Variants in CAP2 observed in about 807,000 individuals in gnomAD.
CAP2 encodes the protein cyclase associated actin cytoskeleton regulatory protein 2.
CAP2 carries 24 observed loss-of-function variants against 57.7 expected under a neutral mutation model. The observed-to-expected ratio is 0.42, with a 90% CI of 0.30 to 0.58. The LOEUF is 0.58. Among genes scored for constraint, CAP2 ranks in the 20% least tolerant of loss-of-function variants. The probability of loss-of-function intolerance (pLI) is 0.22; values close to 1 mark genes in which losing one functional copy is unlikely to be tolerated. For missense variants in CAP2, 501 were observed against 590.3 expected (o/e 0.85, Z 1.57); for synonymous variants, 194 against 207.2 (o/e 0.94, Z 0.55).
At chr6:17,419,173 C>T (rs1228700450) in intron 1 of CAP2, among the ~76,000 whole-genome samples, 1 of 152,140 alleles carries the variant, frequency 6.6e-6, no homozygotes, top group East Asian at 1.9e-4. Flanking sequence ...GGCAGTGGCA[C>T]GTCATCACTG....
intron 7 of CAP2, chr6:17,536,363 T>G (rs1433252500): frequency 1.1e-5 from 5 of 451,054 alleles, no homozygotes; most frequent in Non-Finnish European, 2.2e-5. Context: ...GAATGCTAAT[T>G]GAAAAGTAAC....
intron 7 of CAP2, among the ~76,000 whole-genome samples, chr6:17,527,375 A>C (rs1025146736): frequency 6.6e-6 from 1 of 152,156 alleles, no homozygotes; most frequent in South Asian, 2.1e-4. Context: ...AAGTTTTCCC[A>C]TGGAAAATTT....
chr6:17,526,228 C>T (rs150329494), intron 7 of CAP2, among the ~76,000 whole-genome samples: 6 of 152,004 alleles, frequency 3.9e-5, no homozygotes, highest in Non-Finnish European at 8.8e-5. Context: ...AGCTATTCTC[C>T]TGCCTCAGCC....
rs530493276 is a variant in CAP2 at position 17,514,834 on chromosome 6, G to T, written c.636+880G>T. ...TGAAACACTCTACAGCCATTAAAAT[G>T]CTTTACCAGTTAATGTTAAGTGATA... On this transcript the variant is annotated intron_variant, in intron 7 of 12. Coordinates refer to ENST00000229922, the MANE Select transcript of CAP2 (RefSeq NM_006366.3). 1.3e-4 allele frequency among the ~76,000 whole-genome samples: 20 copies of T among 152,266 alleles called. 3 individuals are homozygous for T. The South Asian group carries it at 4.1e-3, about 32-fold the overall frequency.
At chr6:17,406,068 T>G (rs1256380403) in intron 1 of CAP2, among the ~76,000 whole-genome samples, 1 of 151,986 alleles carries the variant, frequency 6.6e-6, no homozygotes, top group African/African-American at 2.4e-5. Flanking sequence ...CTACTTCAGT[T>G]TGCAAAGCCT....
In CAP2 at chr6:17,477,059, C is replaced by T. The variant is rs370408488; in HGVS notation, c.300+13986C>T. Among the ~76,000 whole-genome samples, 33 of 151,984 alleles carry T rather than the reference C, an allele frequency of 2.2e-4. 1 individual carries two copies. Among genetic ancestry groups the T allele is most frequent in the African/African-American group, 7.2e-4 (30 of 41,472 alleles). ...TAATTTTTTGTATTTTTAGTAGAGA[C>T]GGGGTTTCACCATGTTGGCCAGAAT... is the stretch of plus-strand genomic sequence containing the variant. On this transcript the variant is annotated intron_variant, in intron 4 of 12. Coordinates refer to ENST00000229922, the MANE Select transcript of CAP2 (RefSeq NM_006366.3).
At chr6:17,431,170 G>A (rs1759720450) in intron 3 of CAP2, among the ~76,000 whole-genome samples, 1 of 152,106 alleles carries the variant, frequency 6.6e-6, no homozygotes, top group African/African-American at 2.4e-5. Flanking sequence ...GGCAGAAGAA[G>A]GGTGAGGATC....
Position 17,484,952 on chromosome 6 carries a change from A to T in CAP2, c.300+21879A>T, listed in dbSNP as rs138351456. On this transcript the variant is annotated intron_variant, in intron 4 of 12. Transcript: ENST00000229922. Reference sequence around the variant, plus strand: ...ACTGTCTTTGAAAATCATTCTTTATAGGTAGAATATGAAGATTCTCTGAAA... The same window carrying T: ...ACTGTCTTTGAAAATCATTCTTTATTGGTAGAATATGAAGATTCTCTGAAA... Among the ~76,000 whole-genome samples, 478 of 152,324 alleles carry T rather than the reference A, an allele frequency of 3.1e-3. 6 individuals carry two copies. Among genetic ancestry groups the T allele is most frequent in the African/African-American group, 0.011 (447 of 41,564 alleles).
intron 1 of CAP2, among the ~76,000 whole-genome samples, chr6:17,403,016 T>C (rs1466608086): frequency 6.6e-6 from 1 of 152,248 alleles, no homozygotes; most frequent in Non-Finnish European, 1.5e-5. Flanking sequence ...CTCCTCATTA[T>C]GTTTCCCAGC....
rs1763326596 is a variant in CAP2 at position 17,556,924 on chromosome 6, C to T, written c.*482C>T. On this transcript the variant is annotated 3_prime_UTR_variant, in exon 13 of 13. Transcript: ENST00000229922. ...TTTCTTATTGTTACCACATGTTCAC[C>T]TTTATCAGCGTGGATACTGTCAGCA... The T allele has an allele frequency of 6.3e-6, 1 of 158,580 alleles. No homozygotes were observed. Among genetic ancestry groups the T allele is most frequent in the African/African-American group, 2.4e-5 (1 of 41,600 alleles). 9.8% of individuals were successfully genotyped at this position (158,580 alleles called of 1,614,324 possible). A position where few individuals can be genotyped will look rare whatever the true frequency, so the allele number is the denominator to read the frequency against.
At chr6:17,486,883 C>T (rs186384161) in intron 4 of CAP2, among the ~76,000 whole-genome samples, 13 of 143,044 alleles carry the variant, frequency 9.1e-5, no homozygotes, top group South Asian at 8.3e-4. Flanking sequence ...CACAACACAC[C>T]GTCACGGTCA....
intron 1 of CAP2, among the ~76,000 whole-genome samples, chr6:17,400,015 T>C (rs1200047985): frequency 1.3e-5 from 2 of 151,856 alleles, no homozygotes; most frequent in African/African-American, 2.4e-5. Context: ...GGTCAGGAGA[T>C]TGAGACCATG....
intron 7 of CAP2, among the ~76,000 whole-genome samples, chr6:17,533,487 G>T (rs1357241576): frequency 6.6e-6 from 1 of 151,868 alleles, no homozygotes; most frequent in African/African-American, 2.4e-5. Flanking sequence ...GCATTTTTCG[G>T]CGTTGTGCTG....
intron 3 of CAP2, among the ~76,000 whole-genome samples, chr6:17,456,415 G>A (rs933228180): frequency 6.6e-6 from 1 of 152,154 alleles, no homozygotes; most frequent in South Asian, 2.1e-4. Flanking sequence ...TTTGTCTTTA[G>A]CATTCTATTA....
In CAP2 at chr6:17,513,757, T is replaced by C; in HGVS notation, c.531-92T>C. ...CGATTGCTCCGGGCTCCAGGGCCCC[T>C]AGTCACTAGATAACCATGTGCCCCC... On this transcript the variant is annotated intron_variant, in intron 6 of 12. Transcript: ENST00000229922. This position sits in a 1 kb window ranked among gnomAD's most constrained non-coding sequence, Gnocchi z 4.3. The C allele has an allele frequency of 1.2e-6, 1 of 810,854 alleles. No individual in the cohort carries two copies. Among genetic ancestry groups the C allele is most frequent in the Non-Finnish European group, 2.1e-6 (1 of 476,324 alleles). 50.2% of individuals were successfully genotyped at this position (810,854 alleles called of 1,614,324 possible). A position where few individuals can be genotyped will look rare whatever the true frequency, so the allele number is the denominator to read the frequency against.
At chr6:17,462,064 C>T (rs549525095) in intron 3 of CAP2, among the ~76,000 whole-genome samples, 1 of 128,446 alleles carries the variant, frequency 7.8e-6, no homozygotes, top group Non-Finnish European at 1.8e-5. Context: ...AAAAAACCCA[C>T]AAAAATTAAC....
At chr6:17,462,498 A>G (rs945961414) in intron 3 of CAP2, among the ~76,000 whole-genome samples, 46 of 152,150 alleles carry the variant, frequency 3.0e-4, no homozygotes, top group African/African-American at 8.9e-4. Flanking sequence ...TATTTCCCGA[A>G]CATTTTCACC....
Position 17,543,042 on chromosome 6 carries a change from G to A in CAP2, c.1127-19G>A. The A allele has an allele frequency of 6.2e-7, 1 of 1,613,000 alleles. No homozygotes were observed. Among genetic ancestry groups the A allele is most frequent in the Non-Finnish European group, 8.5e-7 (1 of 1,179,140 alleles). On this transcript the variant is annotated intron_variant, in intron 10 of 12. Transcript: ENST00000229922. ...TATTTAGTGGAGTTGGTTTTTTGTT[G>A]TGTTTTTTCTCCCCACAGACAACTG... is the stretch of plus-strand genomic sequence containing the variant.
At chr6:17,446,650 A>T (rs563902037) in intron 3 of CAP2, among the ~76,000 whole-genome samples, 1 of 152,352 alleles carries the variant, frequency 6.6e-6, no homozygotes, top group African/African-American at 2.4e-5. Flanking sequence ...GAGTGTTTTT[A>T]CAGTTTAAAC....
Sources: gnomAD v4.1 joint callset for allele counts (sites outside exome capture counted in the v4.1 genomes callset) on GRCh38, gnomAD v4.1.1 for gene constraint, Gnocchi (gnomAD v3.1) non-coding constraint, MANE v1.5 for transcripts, NCBI Gene and HGNC (gene_info 2026-07-23, HGNC 2026-07-21) for gene names.